The following CDAN1 variants were observed in gnomAD, a reference collection of about 807,000 sequenced individuals.
The protein encoded by CDAN1 is codanin-1.
CDAN1 carries 107 observed loss-of-function variants against 139.8 expected under a neutral mutation model. That is an observed-to-expected ratio of 0.77 (90% confidence interval 0.65 to 0.90). CDAN1 has a LOEUF of 0.90. CDAN1 is among the 40% of genes least tolerant of loss of function. The pLI, the probability that CDAN1 is intolerant of heterozygous loss-of-function variation, is 0.00. For synonymous variants in CDAN1, 776 were observed against 660.6 expected, an observed-to-expected ratio of 1.17 and a Z score of -2.68; for missense variants, 1,667 against 1,575.7, an observed-to-expected ratio of 1.06 and a Z score of -0.98.
intron 8 of CDAN1, 29 bp downstream of exon 8, chr15:42,733,909 C>T (rs1714693965): frequency 1.3e-6 from 2 of 1,495,372 alleles, no homozygotes; most frequent in Admixed American, 1.7e-5. Flanking sequence ...CATCTCATTC[C>T]CTCCCCAAAA....
Position 42,727,944 on chromosome 15 carries a change from C to T in CDAN1, c.2947+11G>A. On this transcript the variant is annotated intron_variant, in intron 22 of 27. Transcript: ENST00000356231. ...CACTTGATTCAGCCACTCCCCCATC[C>T]AGGACCTTACCTGTGATGTTGGCTG... 2 of 1,613,582 alleles carry T rather than the reference C, an allele frequency of 1.2e-6. No homozygotes were observed. Among genetic ancestry groups the T allele is most frequent in the Non-Finnish European group, 1.7e-6 (2 of 1,179,466 alleles).
At chr15:42,732,466 T>C in intron 9 of CDAN1, 58 bp from the exon 10 acceptor site, 1 of 1,518,456 alleles carries the variant, frequency 6.6e-7, no homozygotes, top group Non-Finnish European at 9.1e-7. Flanking sequence ...GAGAAAGATC[T>C]GAGAGAAGCA....
chr15:42,728,992 G>A (rs1474914508), intron 19 of CDAN1, 31 bp downstream of exon 19: 8 of 1,603,456 alleles, frequency 5.0e-6, no homozygotes, highest in South Asian at 3.3e-5. Flanking sequence ...ATGGTAGGGC[G>A]ATGAGACCAG....
rs766681505 is a variant in CDAN1 at position 42,725,133 on chromosome 15, A to G, written c.3558+11T>C. 1.9e-6 allele frequency: 3 copies of G among 1,600,828 alleles called. No homozygotes were observed. The highest frequency in any genetic ancestry group is 1.3e-5 in the African/African-American group (1 of 74,770). On this transcript the variant is annotated intron_variant, in intron 27 of 27. Coordinates refer to ENST00000356231, the MANE Select transcript of CDAN1 (RefSeq NM_138477.4). ...GTTCTCTCTCCACCTAAAAGACAGGAGACTCCTTACCCCTGGCCACTGGGC... is the reference window on the plus strand; with the variant it reads ...GTTCTCTCTCCACCTAAAAGACAGGGGACTCCTTACCCCTGGCCACTGGGC...
chr15:42,727,577 G>C (rs1263157387), intron 23 of CDAN1, 44 bp downstream of exon 23: 4 of 1,486,532 alleles, frequency 2.7e-6, no homozygotes, highest in African/African-American at 1.4e-5. Flanking sequence ...ACAGAGCAGG[G>C]GGGTGGGAGC....
chr15:42,736,082 C>CTG lies in CDAN1; in HGVS notation c.570-6_570-5dup. The CTG allele has an allele frequency of 1.9e-6, 3 of 1,614,064 alleles. No individual in the cohort carries two copies. Among genetic ancestry groups the CTG allele is most frequent in the Non-Finnish European group, 2.5e-6 (3 of 1,179,932 alleles). ...GATCCTGCGAGAAGGCTTCGTCCTG[C>CTG]TGAGAGTAGCCACAGGTTTTTCTCA... On this transcript the variant is annotated splice_region_variant and splice_polypyrimidine_tract_variant and intron_variant, in intron 2 of 27. Transcript: ENST00000356231.
chr15:42,731,646 A>G lies in CDAN1; in HGVS notation c.1713T>C (p.Phe571=), dbSNP rs1483164860. The G allele has an allele frequency of 2.5e-6, 4 of 1,614,038 alleles. No individual in the cohort carries two copies. Among genetic ancestry groups the G allele is most frequent in the Non-Finnish European group, 3.4e-6 (4 of 1,180,016 alleles). The change falls in exon 11 of 28, where the codon TTT becomes TTC. Residue 571 remains phenylalanine (F), a synonymous_variant. Coordinates refer to ENST00000356231, the MANE Select transcript of CDAN1 (RefSeq NM_138477.4). ...PPTFPGCQGF[F]RDFILSASSF... is the part of the protein sequence containing the mutation. Reference sequence around the variant, plus strand: ...TGCTGGCACTAAGGATGAAGTCCCTAAAGAAGCCTTGACAGCCTGGGAAGG... The same window carrying G: ...TGCTGGCACTAAGGATGAAGTCCCTGAAGAAGCCTTGACAGCCTGGGAAGG...
chr15:42,728,525 T>C, intron 20 of CDAN1, 127 bp downstream of exon 20: 1 of 1,361,836 alleles, frequency 7.3e-7, no homozygotes, highest in Non-Finnish European at 1.0e-6. Flanking sequence ...TTATAGAGAA[T>C]GGGCGCAGGG....
Position 42,730,922 on chromosome 15 carries a change from C to G in CDAN1, c.2007+3G>C. Reference sequence around the variant, plus strand: ...TCCTCACCAGAATCCCCCGCCCATTCACCTGGCTCCTGAGGGCCAGAATGG... The same window carrying G: ...TCCTCACCAGAATCCCCCGCCCATTGACCTGGCTCCTGAGGGCCAGAATGG... On this transcript the variant is annotated splice_donor_region_variant and intron_variant, in intron 13 of 27. Transcript: ENST00000356231. The G allele has an allele frequency of 6.2e-7, 1 of 1,614,206 alleles. No homozygotes were observed. Among genetic ancestry groups the G allele is most frequent in the Non-Finnish European group, 8.5e-7 (1 of 1,180,040 alleles).
intron 23 of CDAN1, 61 bp downstream of exon 23, chr15:42,727,560 A>C (rs1595851585): frequency 7.0e-7 from 1 of 1,431,624 alleles, no homozygotes; most frequent in South Asian, 1.4e-5. Flanking sequence ...GAAAGGAAAA[A>C]CCAGGAACAG....
At position 42,735,270 on chromosome 15, in the gene CDAN1, C is replaced by G; in HGVS notation, c.1048G>C (p.Ala350Pro). The G allele has an allele frequency of 6.2e-7, 1 of 1,608,064 alleles. No individual in the cohort carries two copies. Among genetic ancestry groups the G allele is most frequent in the Non-Finnish European group, 8.5e-7 (1 of 1,176,822 alleles). Residue 350 changes from alanine (A) to proline (P), a missense_variant, in exon 5 of 28, where the codon GCT (alanine) becomes CCT (proline). Coordinates refer to ENST00000356231, the MANE Select transcript of CDAN1 (RefSeq NM_138477.4). The part of the protein sequence containing the change: ...AKDSDPELSP[A>P]VLDSLESPLF... Reference sequence around the variant, plus strand: ...AGGCTTGCTCACTGACCTAGGACAGCTGGACTTAGTTCAGGGTCGCTGTCC... The same window carrying G: ...AGGCTTGCTCACTGACCTAGGACAGGTGGACTTAGTTCAGGGTCGCTGTCC...
In CDAN1 at chr15:42,729,371, G is replaced by C. The variant is rs2061578479; in HGVS notation, c.2408-9C>G. ...CAGTTTCCGGAGCTCTCCTGTATCA[G>C]TGAAGTCCAAGTTCTCAGTTCCAGA... On this transcript the variant is annotated splice_polypyrimidine_tract_variant and intron_variant, in intron 17 of 27. Transcript: ENST00000356231. The C allele has an allele frequency of 1.2e-6, 2 of 1,614,108 alleles. No homozygotes were observed. The highest frequency in any genetic ancestry group is 2.2e-5 in the South Asian group (2 of 91,084).
chr15:42,728,847 G>A, intron 19 of CDAN1, 37 bp from the exon 20 acceptor site: 1 of 1,613,730 alleles, frequency 6.2e-7, no homozygotes, highest in Non-Finnish European at 8.5e-7. Flanking sequence ...ATGGTTGGAG[G>A]GTTAATCGGA....
intron 1 of CDAN1, 73 bp downstream of exon 1, chr15:42,736,940 G>T (rs958628410): frequency 3.3e-5 from 49 of 1,487,442 alleles, no homozygotes; most frequent in Non-Finnish European, 4.1e-5. Context: ...CCTAGAGGAA[G>T]GGGACTGGAG....
Position 42,735,495 on chromosome 15 carries a change from T to A in CDAN1, c.943+15A>T. On this transcript the variant is annotated intron_variant, in intron 4 of 27. Transcript: ENST00000356231. The stretch of plus-strand genomic sequence containing the variant: ...TACAAGTGTCTCCACTCCCGCTCCC[T>A]CCGCTCTCACTCACCAGCAATGCAC... The A allele has an allele frequency of 6.2e-7, 1 of 1,614,136 alleles. No individual in the cohort carries two copies. Among genetic ancestry groups the A allele is most frequent in the Non-Finnish European group, 8.5e-7 (1 of 1,180,006 alleles).
At chr15:42,728,985 G>T in intron 19 of CDAN1, 38 bp downstream of exon 19, 1 of 1,602,040 alleles carries the variant, frequency 6.2e-7, no homozygotes, top group East Asian at 2.2e-5. Context: ...GGAAAAAATG[G>T]TAGGGCGATG....
Position 42,725,532 on chromosome 15 carries a change from C to T in CDAN1, c.3407G>A (p.Ser1136Asn). ...TGCCAGAAGCCCCACATTTCTTGGGCTCAGCAGCAGCTGCAGCGGAACCGG... is the reference window on the plus strand; with the variant it reads ...TGCCAGAAGCCCCACATTTCTTGGGTTCAGCAGCAGCTGCAGCGGAACCGG... The part of the protein sequence containing the change: ...QGPVPLQLLL[S>N]PRNVGLLADT... Residue 1136 changes from serine (S) to asparagine (N), a missense_variant, in exon 26 of 28, where the codon AGC becomes AAC. Transcript: ENST00000356231. The T allele has an allele frequency of 1.9e-6, 3 of 1,614,182 alleles. No individual in the cohort carries two copies. Among genetic ancestry groups the T allele is most frequent in the African/African-American group, 1.3e-5 (1 of 75,034 alleles).
In CDAN1 at chr15:42,731,649, G is replaced by A. The variant is rs753372462; in HGVS notation, c.1710C>T (p.Phe570=). ...TGGCACTAAGGATGAAGTCCCTAAA[G>A]AAGCCTTGACAGCCTGGGAAGGTGG... ...PPPTFPGCQG[F]FRDFILSASS... The change falls in exon 11 of 28, where the codon TTC becomes TTT. Residue 570 remains phenylalanine, a synonymous_variant. Transcript: ENST00000356231. 2 of 1,614,150 alleles carry A rather than the reference G, an allele frequency of 1.2e-6. No individual in the cohort carries two copies. Among genetic ancestry groups the A allele is most frequent in the South Asian group, 2.2e-5 (2 of 91,084 alleles).
Position 42,728,681 on chromosome 15 carries a change from G to C in CDAN1, c.2775C>G (p.His925Gln), listed in dbSNP as rs201778116. 2 of 1,614,166 alleles carry C rather than the reference G, an allele frequency of 1.2e-6. No homozygotes were observed. Among genetic ancestry groups the C allele is most frequent in the East Asian group, 4.5e-5 (2 of 44,866 alleles). Residue 925 changes from histidine (H) to glutamine (Q), a missense_variant, in exon 20 of 28, where the codon CAC (histidine) becomes CAG (glutamine). Physicochemically the swap from His to Gln is conservative, Grantham distance 24 (BLOSUM62 0). Transcript: ENST00000356231. ...LEILCSQLCP[H>Q]GAQALALGRE... ...GCCCCAGGGCCAATGCCTGGGCCCC[G>C]TGAGGGCACAGCTGGGAACACAAGA... is the stretch of plus-strand genomic sequence containing the variant.
Sources: allele counts gnomAD v4.1 joint callset, GRCh38; gene constraint gnomAD v4.1.1; transcripts MANE v1.5; gene names NCBI Gene and HGNC (gene_info 2026-07-23, HGNC 2026-07-21).